The following NUP93 variants were observed in gnomAD, a reference collection of about 807,000 sequenced individuals.
NUP93 encodes nucleoporin 93, also known as nuclear pore complex protein Nup93.
In NUP93, 55 loss-of-function variants were observed where a neutral mutation model predicts 107.8. The ratio of observed to expected loss-of-function variants is 0.51; its 90% CI spans 0.41 to 0.64. The LOEUF (loss-of-function observed/expected upper bound fraction) is 0.64. NUP93 is among the 30% of genes least tolerant of loss of function. The probability of loss-of-function intolerance (pLI) is 0.00; values close to 1 mark genes in which losing one functional copy is unlikely to be tolerated. For synonymous variants in NUP93, 390 were observed against 397.5 expected (o/e 0.98, Z 0.22); for missense variants, 937 against 1,044.7 (o/e 0.90, Z 1.42).
chr16:56,834,776 A>C lies in NUP93; in HGVS notation c.1780A>C (p.Lys594Gln). 6.2e-7 allele frequency: 1 copy of C among 1,609,104 alleles called. No individual in the cohort carries two copies. Residue 594 changes from lysine (K) to glutamine (Q), a missense_variant and splice_region_variant, in exon 16 of 22, where the codon AAG becomes CAG. Physicochemically the swap from Lys to Gln is moderately conservative, Grantham distance 53. Transcript: ENST00000308159. ...GAAACTAGAGAATGACGGAAGTAGA[A>C]AGGTGAGTTAAATGCATCCTTAGAG... The part of the protein sequence containing the change: ...LGKLENDGSR[K>Q]PGVIDKFTSD...
chr16:56,742,788 G>C (rs994377136), intron 1 of NUP93, among the ~76,000 whole-genome samples: 5 of 152,146 alleles, frequency 3.3e-5, no homozygotes, highest in Non-Finnish European at 7.4e-5. Flanking sequence ...GAGTAACATA[G>C]GCTTAAGTCT....
chr16:56,832,692 G>A (rs759774578), intron 12 of NUP93, among the ~76,000 whole-genome samples: 2 of 152,272 alleles, frequency 1.3e-5, no homozygotes, highest in Admixed American at 6.5e-5. Flanking sequence ...CTTCCTAGTC[G>A]ATCGTACCAG....
intron 3 of NUP93, among the ~76,000 whole-genome samples, chr16:56,763,887 T>G (rs1962173787): frequency 6.6e-6 from 1 of 151,494 alleles, no homozygotes; most frequent in Non-Finnish European, 1.5e-5. Context: ...GTTCTGAAGG[T>G]CTTCATAATC....
rs150588012 is a variant in NUP93 at position 56,829,056 on chromosome 16, T to C, written c.874T>C (p.Leu292=). Residue 292 remains leucine (L), a synonymous_variant, in exon 9 of 22, where the codon TTG becomes CTG. Transcript: ENST00000308159. ...QLGGVPGTYQ[L]VRSFLNIKLP... ...GGGCGGGGTGCCTGGGACTTACCAA[T>C]TGGTTCGAAGTTTCCTGAACATTAA... The C allele has an allele frequency of 7.3e-5, 117 of 1,613,524 alleles. No homozygotes were observed. In the African/African-American group the frequency reaches 1.4e-3, roughly 19 times the overall value.
intron 1 of NUP93, among the ~76,000 whole-genome samples, chr16:56,734,084 A>G (rs1401783038): frequency 6.6e-6 from 1 of 152,244 alleles, no homozygotes. Flanking sequence ...CCCAGACTCA[A>G]GGAGCCTGTT....
intron 5 of NUP93, among the ~76,000 whole-genome samples, chr16:56,811,694 C>T (rs1963319301): frequency 6.6e-6 from 1 of 152,116 alleles, no homozygotes; most frequent in South Asian, 2.1e-4. Flanking sequence ...TGGTCTCGAA[C>T]TCCTGACCTC....
At chr16:56,781,973 CTT>C (rs1962523878) in intron 3 of NUP93, 1 of 985,282 alleles carries the variant, frequency 1.0e-6, no homozygotes, top group African/African-American at 1.7e-5. Flanking sequence ...TAATTTGACT[CTT>C]TAGTGCTTCA....
At chr16:56,805,340 G>A (rs1963112618) in intron 4 of NUP93, 164 bp from the exon 5 acceptor site, 6 of 722,502 alleles carry the variant, frequency 8.3e-6, no homozygotes, top group African/African-American at 5.4e-5. Context: ...AAACCACCAC[G>A]CTCAGCCAGT....
At position 56,805,571 on chromosome 16, in the gene NUP93, G is replaced by T; in HGVS notation, c.428G>T (p.Arg143Leu). 2 of 1,614,032 alleles carry T rather than the reference G, an allele frequency of 1.2e-6. No individual in the cohort carries two copies. The highest frequency in any genetic ancestry group is 1.7e-6 in the Non-Finnish European group (2 of 1,179,988). Reference sequence around the variant, plus strand: ...GTTGAGTGGGAGCAAGTGAAACAGCGAATTCTGCACACACTGCTGGCATCA... The same window carrying T: ...GTTGAGTGGGAGCAAGTGAAACAGCTAATTCTGCACACACTGCTGGCATCA... The part of the protein sequence containing the change: ...MLVEWEQVKQ[R>L]ILHTLLASGE... Residue 143 changes from arginine to leucine, a missense_variant, in exon 5 of 22, where the codon CGA (arginine) becomes CTA (leucine). Transcript: ENST00000308159.
At position 56,758,636 on chromosome 16, in the gene NUP93, T is replaced by C. The variant is rs769436848; in HGVS notation, c.278T>C (p.Val93Ala). The C allele has an allele frequency of 6.2e-7, 1 of 1,613,578 alleles. No individual in the cohort carries two copies. Among genetic ancestry groups the C allele is most frequent in the Admixed American group, 1.7e-5 (1 of 59,994 alleles). The change falls in exon 3 of 22, where the codon GTG becomes GCG. Residue 93 changes from valine to alanine, a missense_variant. Physicochemically the swap from Val to Ala is moderately conservative, Grantham distance 64. Transcript: ENST00000308159. ...ACCACCTTTGAGCCTCTTGAGCCTG[T>C]GAAGGACACTGACATTCAGGTAAGG... is the stretch of plus-strand genomic sequence containing the variant. ...AATTFEPLEP[V>A]KDTDIQGFLK... is the part of the protein sequence containing the mutation.
intron 3 of NUP93, among the ~76,000 whole-genome samples, chr16:56,772,879 T>C (rs191328035): frequency 1.3e-5 from 2 of 152,360 alleles, no homozygotes; most frequent in East Asian, 3.9e-4. Flanking sequence ...GTTACAGTAC[T>C]GTGATAGTGC....
chr16:56,784,620 C>T (rs1962586219), intron 3 of NUP93, among the ~76,000 whole-genome samples: 1 of 152,118 alleles, frequency 6.6e-6, no homozygotes, highest in African/African-American at 2.4e-5. Context: ...ATTTGTGTTT[C>T]TTTTAAAGGC....
Position 56,830,629 on chromosome 16 carries a change from C to G in NUP93, c.1029C>G (p.His343Gln), listed in dbSNP as rs992173424. 2.5e-6 allele frequency: 4 copies of G among 1,609,632 alleles called. No homozygotes were observed. In the African/African-American group the frequency reaches 5.3e-5, roughly 21 times the overall value. Residue 343 changes from histidine (H) to glutamine (Q), a missense_variant, in exon 10 of 22, where the codon CAC (histidine) becomes CAG (glutamine). Transcript: ENST00000308159. ...CACAGGTAGTTAATCGAGCCCAGCA[C>G]CAGCTGGGAGAGTTTAAAACCTGGT... ...AASQVVNRAQHQLGEFKTWFQ... is the reference protein window; with the variant it reads ...AASQVVNRAQQQLGEFKTWFQ...
intron 3 of NUP93, among the ~76,000 whole-genome samples, chr16:56,767,147 C>A: frequency 6.6e-6 from 1 of 152,228 alleles, no homozygotes; most frequent in East Asian, 1.9e-4. Context: ...ATCACAAGAT[C>A]AGCAGTGGTG....
chr16:56,813,104 A>G (rs1230888748), intron 5 of NUP93, among the ~76,000 whole-genome samples: 4 of 152,222 alleles, frequency 2.6e-5, no homozygotes, highest in Non-Finnish European at 5.9e-5. Flanking sequence ...GGGAAGCTAA[A>G]CTATGGCTTA....
chr16:56,748,522 T>A, intron 2 of NUP93, 96 bp downstream of exon 2: 1 of 1,041,292 alleles, frequency 9.6e-7, no homozygotes, highest in Non-Finnish European at 1.4e-6. Context: ...AATCTGTGAA[T>A]GACAGCCACT....
chr16:56,831,782 G>T (rs1461564810), intron 10 of NUP93, 60 bp from the exon 11 acceptor site: 1 of 1,560,122 alleles, frequency 6.4e-7, no homozygotes, highest in East Asian at 2.3e-5. Flanking sequence ...GACGCTTTCA[G>T]ATGCCCTTGA....
At chr16:56,840,476 T>TA (rs1964001842) in intron 20 of NUP93, among the ~76,000 whole-genome samples, 1 of 152,174 alleles carries the variant, frequency 6.6e-6, no homozygotes, top group Non-Finnish European at 1.5e-5. Flanking sequence ...GAAAAGTTTC[T>TA]AAAAACCCTC....
chr16:56,769,839 CCTTA>C (rs1201210228), intron 3 of NUP93, among the ~76,000 whole-genome samples: 2 of 152,192 alleles, frequency 1.3e-5, no homozygotes, highest in East Asian at 3.8e-4. Context: ...AAACCCATTT[CCTTA>C]CTTAGCGTCT....
Sources: gnomAD v4.1 joint callset for allele counts (sites outside exome capture counted in the v4.1 genomes callset) on GRCh38, gnomAD v4.1.1 for gene constraint, MANE v1.5 for transcripts, NCBI Gene and HGNC (gene_info 2026-07-23, HGNC 2026-07-21) for gene names.